Variants in LYN observed in about 807,000 individuals in gnomAD.
The protein encoded by LYN is LYN proto-oncogene, Src family tyrosine kinase.
In LYN, 12 loss-of-function variants were observed where a neutral mutation model predicts 65.0. The observed-to-expected ratio is 0.18, with a 90% CI of 0.12 to 0.30. LYN has a LOEUF of 0.30. Among genes scored for constraint, LYN ranks in the 10% least tolerant of loss-of-function variants. LYN has a pLI of 1.00. For missense variants in LYN, 380 were observed against 623.2 expected (o/e 0.61, Z 4.16); for synonymous variants, 222 against 221.2 (o/e 1.00, Z -0.03).
chr8:55,979,695 C>T (rs1807863195), intron 10 of LYN, among the ~76,000 whole-genome samples: 2 of 152,208 alleles, frequency 1.3e-5, no homozygotes. Flanking sequence ...TCTCAGGCCT[C>T]CACCCAGCAC....
intron 7 of LYN, among the ~76,000 whole-genome samples, chr8:55,953,052 C>T (rs1410659421): frequency 3.3e-5 from 5 of 152,166 alleles, no homozygotes; most frequent in African/African-American, 7.2e-5. Context: ...GAGAGAGCAA[C>T]GTGCTTCCGA....
chr8:55,976,853 A>G (rs1243245927), intron 10 of LYN, among the ~76,000 whole-genome samples: 1 of 152,032 alleles, frequency 6.6e-6, no homozygotes, highest in Non-Finnish European at 1.5e-5. Context: ...GGGTATATGG[A>G]GAGAACAGCT....
At chr8:55,904,182 C>T (rs528483743) in intron 1 of LYN, among the ~76,000 whole-genome samples, 4 of 151,990 alleles carry the variant, frequency 2.6e-5, no homozygotes, top group South Asian at 2.1e-4. Context: ...GAAATAAGTA[C>T]GATGAACAAT....
intron 10 of LYN, among the ~76,000 whole-genome samples, chr8:55,971,462 C>A (rs142361740): frequency 6.6e-6 from 1 of 152,166 alleles, no homozygotes. Flanking sequence ...TTTGGGTGTC[C>A]CCATGGGTCA....
chr8:55,916,876 C>G (rs548087147), intron 1 of LYN, among the ~76,000 whole-genome samples: 25 of 150,988 alleles, frequency 1.7e-4, no homozygotes, highest in South Asian at 4.2e-4. Context: ...TTTTTTTTCT[C>G]TTTTTTAAAA....
At chr8:55,958,051 C>G (rs549481655) in intron 8 of LYN, among the ~76,000 whole-genome samples, 1 of 152,152 alleles carries the variant, frequency 6.6e-6, no homozygotes, top group Non-Finnish European at 1.5e-5. Context: ...GGGTGCCTGG[C>G]GAGGTTGGGA....
At chr8:55,967,011 C>G in intron 9 of LYN, 114 bp downstream of exon 9, 1 of 940,628 alleles carries the variant, frequency 1.1e-6, no homozygotes, top group Non-Finnish European at 1.5e-6. Flanking sequence ...TACCCACTAC[C>G]GAAAAATCAG....
rs1806778743 is a variant in LYN at position 55,946,396 on chromosome 8, G to A, written c.133-52G>A. The A allele has an allele frequency of 2.6e-6, 3 of 1,153,970 alleles. No individual in the cohort carries two copies. In the South Asian group the frequency reaches 3.8e-5, roughly 15 times the overall value. The allele number at this position is 1,153,970 out of a possible 1,614,324, so 71.5% of individuals were successfully genotyped here. A position where few individuals can be genotyped will look rare whatever the true frequency, so the allele number is the denominator to read the frequency against. On this transcript the variant is annotated intron_variant, in intron 2 of 12. Transcript: ENST00000519728. ...AAAATCATATATACAACACGAATGT[G>A]AGTAAGAAAAGCTAAACAGAATTTT...
At chr8:55,984,234 G>A (rs962388461) in intron 10 of LYN, among the ~76,000 whole-genome samples, 3 of 152,134 alleles carry the variant, frequency 2.0e-5, no homozygotes, top group Non-Finnish European at 4.4e-5. Flanking sequence ...CCGGGTGGTC[G>A]TGAGTTTTGG....
chr8:55,917,134 C>G (rs999316964), intron 1 of LYN, among the ~76,000 whole-genome samples: 2 of 150,526 alleles, frequency 1.3e-5, no homozygotes, highest in Non-Finnish European at 3.0e-5. Context: ...CAAGATCACA[C>G]TATTGCACAT....
At position 55,942,953 on chromosome 8, in the gene LYN, T is replaced by C. The variant is rs144623169; in HGVS notation, c.132+962T>C. ...AATTAATTCAAAATAGTACAGATCCTGAAGTTGTCATCTGTTATTTTAGTG... is the reference window on the plus strand; with the variant it reads ...AATTAATTCAAAATAGTACAGATCCCGAAGTTGTCATCTGTTATTTTAGTG... On this transcript the variant is annotated intron_variant, in intron 2 of 12. Coordinates refer to ENST00000519728, the MANE Select transcript of LYN (RefSeq NM_002350.4). Among the ~76,000 whole-genome samples, 305 of 152,330 alleles carry C rather than the reference T, an allele frequency of 2.0e-3. 2 individuals carry two copies. The highest frequency in any genetic ancestry group is 6.2e-3 in the African/African-American group (259 of 41,576).
At chr8:55,908,989 G>GTGTGTATA (rs1379592685) in intron 1 of LYN, among the ~76,000 whole-genome samples, 4 of 20,398 alleles carry the variant, frequency 2.0e-4, no homozygotes, top group African/African-American at 2.9e-4. Context: ...CATTGTGTAT[G>GTGTGTATA]TATATATATA....
At chr8:55,984,017 G>T (rs1163046180) in intron 10 of LYN, among the ~76,000 whole-genome samples, 1 of 152,060 alleles carries the variant, frequency 6.6e-6, no homozygotes, top group Non-Finnish European at 1.5e-5. Flanking sequence ...TGGCAGCTCC[G>T]ATGTTCCATT....
At chr8:55,886,094 T>C (rs987088975) in intron 1 of LYN, among the ~76,000 whole-genome samples, 1 of 152,218 alleles carries the variant, frequency 6.6e-6, no homozygotes, top group African/African-American at 2.4e-5. Context: ...GAAAGTGTTA[T>C]GAAACTCTTG....
At chr8:56,000,991 G>A (rs945098514) in intron 12 of LYN, among the ~76,000 whole-genome samples, 1 of 152,122 alleles carries the variant, frequency 6.6e-6, no homozygotes. Flanking sequence ...CAGCCATCCT[G>A]TAGGGTGGTG....
intron 10 of LYN, among the ~76,000 whole-genome samples, chr8:55,982,182 T>C (rs545972960): frequency 6.6e-6 from 1 of 152,316 alleles, no homozygotes; most frequent in South Asian, 2.1e-4. Flanking sequence ...GTAACATCAT[T>C]ATCTGGCAAT....
intron 9 of LYN, 143 bp downstream of exon 9, chr8:55,967,040 G>A: frequency 2.8e-6 from 2 of 723,018 alleles, no homozygotes; most frequent in South Asian, 2.1e-5. Context: ...GGAAGACAAA[G>A]CAGTTTATAA....
chr8:55,974,290 T>C (rs1807693143), intron 10 of LYN, among the ~76,000 whole-genome samples: 1 of 152,252 alleles, frequency 6.6e-6, no homozygotes, highest in African/African-American at 2.4e-5. Context: ...TTATGGATTT[T>C]GACCATCAAA....
At chr8:55,997,972 T>G (rs965003924) in intron 10 of LYN, among the ~76,000 whole-genome samples, 1 of 152,078 alleles carries the variant, frequency 6.6e-6, no homozygotes, top group Admixed American at 6.5e-5. Flanking sequence ...TAGTCCCAGC[T>G]ACTCGGGAGG....
Sources: allele counts gnomAD v4.1 joint callset (sites outside exome capture counted in the v4.1 genomes callset), GRCh38; gene constraint gnomAD v4.1.1; transcripts MANE v1.5; gene names NCBI Gene and HGNC (gene_info 2026-07-23, HGNC 2026-07-21).